TEKT5: variants seen among roughly 807,000 people sequenced by gnomAD.
TEKT5 encodes tektin-5.
A neutral mutation model predicts 48.7 loss-of-function variants in TEKT5; 52 were observed. The ratio of observed to expected loss-of-function variants is 1.07; its 90% CI spans 0.86 to 1.35. The LOEUF (loss-of-function observed/expected upper bound fraction) is 1.35. Among genes scored for constraint, TEKT5 ranks in the 40% most tolerant of loss-of-function variants. TEKT5 has a pLI of 0.00. For missense variants in TEKT5, 831 were observed against 641.6 expected, an observed-to-expected ratio of 1.30 and a Z score of -3.19; for synonymous variants, 318 against 267.6, an observed-to-expected ratio of 1.19 and a Z score of -1.84.
chr16:10,669,119 T>G (rs1466790748), intron 5 of TEKT5, among the ~76,000 whole-genome samples: 1 of 152,136 alleles, frequency 6.6e-6, no homozygotes, highest in Non-Finnish European at 1.5e-5. Flanking sequence ...TGTACATGAG[T>G]GTTCACAGCA....
At chr16:10,651,935 C>T (rs1303893922) in intron 5 of TEKT5, among the ~76,000 whole-genome samples, 1 of 152,108 alleles carries the variant, frequency 6.6e-6, no homozygotes, top group African/African-American at 2.4e-5. Flanking sequence ...GCACTCCAGC[C>T]TGGGCAACAG....
At chr16:10,651,718 G>C (rs868280990) in intron 5 of TEKT5, among the ~76,000 whole-genome samples, 2 of 152,178 alleles carry the variant, frequency 1.3e-5, no homozygotes, top group Non-Finnish European at 2.9e-5. Context: ...CCAGCACTTT[G>C]GGAGGCCGAG....
chr16:10,669,096 G>A (rs1352168181), intron 5 of TEKT5, among the ~76,000 whole-genome samples: 1 of 152,158 alleles, frequency 6.6e-6, no homozygotes, highest in East Asian at 1.9e-4. Context: ...CTGTGAGAGT[G>A]CATACAAATA....
intron 5 of TEKT5, among the ~76,000 whole-genome samples, chr16:10,652,178 C>G (rs964247693): frequency 7.9e-5 from 12 of 152,080 alleles, no homozygotes; most frequent in Admixed American, 3.9e-4. Flanking sequence ...GGAGACAGAA[C>G]TCTCGAAAAC....
In TEKT5 at chr16:10,675,115, T is replaced by G. The variant is rs138107134; in HGVS notation, c.1086+844A>C. 3.9e-4 allele frequency among the ~76,000 whole-genome samples: 60 copies of G among 152,286 alleles called. 2 individuals carry two copies. The East Asian group carries it at 6.2e-3, about 16-fold the overall frequency. ...TGCTGGGATTACAGGTGTGAGCCAC[T>G]GTGCTTGGCCTTAAAAAGGGGTACT... On this transcript the variant is annotated intron_variant, in intron 5 of 6. Coordinates refer to ENST00000283025, the MANE Select transcript of TEKT5 (RefSeq NM_144674.2).
intron 5 of TEKT5, among the ~76,000 whole-genome samples, chr16:10,657,817 T>G (rs58266191): frequency 0.091 from 13,660 of 150,850 alleles, 1,089 homozygotes; most frequent in East Asian, 0.21. Flanking sequence ...AGCCAGGATG[T>G]TCTCGATCTC....
Position 10,681,869 on chromosome 16 carries a change from C to T in TEKT5, c.863+124G>A, listed in dbSNP as rs2719722. ...TCTGCCGCCTGCGCTAGAGGATCCC[C>T]GTTCAACCATGCCACTTCCCACTTA... On this transcript the variant is annotated intron_variant, in intron 4 of 6. Transcript: ENST00000283025. 415 of 1,308,678 alleles carry T rather than the reference C, an allele frequency of 3.2e-4. No individual in the cohort carries two copies. The African/African-American group carries it at 5.2e-3, about 16-fold the overall frequency. 81.1% of individuals were successfully genotyped at this position (1,308,678 alleles called of 1,614,324 possible).
At chr16:10,629,814 C>T (rs1460283623) in intron 6 of TEKT5, among the ~76,000 whole-genome samples, 1 of 152,248 alleles carries the variant, frequency 6.6e-6, no homozygotes, top group Non-Finnish European at 1.5e-5. Context: ...GCAGACATCT[C>T]TGTGATGCAC....
chr16:10,668,635 C>G (rs1017617948), intron 5 of TEKT5, among the ~76,000 whole-genome samples: 4 of 152,176 alleles, frequency 2.6e-5, no homozygotes, highest in Non-Finnish European at 5.9e-5. Context: ...CTGCCCAGGC[C>G]TTCCTGGGAA....
At chr16:10,656,131 T>C (rs1898257675) in intron 5 of TEKT5, among the ~76,000 whole-genome samples, 1 of 152,216 alleles carries the variant, frequency 6.6e-6, no homozygotes, top group Admixed American at 6.5e-5. Context: ...CCCTGGTCTC[T>C]ACCCACTAGA....
At chr16:10,666,167 A>C (rs1898453910) in intron 5 of TEKT5, among the ~76,000 whole-genome samples, 1 of 152,170 alleles carries the variant, frequency 6.6e-6, no homozygotes, top group Non-Finnish European at 1.5e-5. Context: ...AGCCACGGGG[A>C]GTAGGCACAG....
intron 3 of TEKT5, 37 bp from the exon 4 acceptor site, chr16:10,682,173 C>G: frequency 6.2e-7 from 1 of 1,605,664 alleles, no homozygotes; most frequent in Non-Finnish European, 8.5e-7. Flanking sequence ...GACTATGCAC[C>G]TGCACAGAGT....
chr16:10,636,239 G>A (rs893693388), intron 5 of TEKT5, among the ~76,000 whole-genome samples: 2 of 152,144 alleles, frequency 1.3e-5, no homozygotes, highest in Non-Finnish European at 2.9e-5. Flanking sequence ...GCCGGGCGTG[G>A]TGGCAGGCGC....
chr16:10,654,594 C>T (rs1361718222), intron 5 of TEKT5, among the ~76,000 whole-genome samples: 1 of 152,208 alleles, frequency 6.6e-6, no homozygotes, highest in African/African-American at 2.4e-5. Context: ...TTCGCTCTCT[C>T]TGCTTTAGCT....
intron 6 of TEKT5, among the ~76,000 whole-genome samples, chr16:10,630,639 A>G (rs1246423185): frequency 1.3e-5 from 2 of 152,172 alleles, no homozygotes; most frequent in East Asian, 1.9e-4. Context: ...ACCATCAAAT[A>G]TGGTACCCAC....
intron 5 of TEKT5, among the ~76,000 whole-genome samples, chr16:10,650,749 G>A (rs1898142772): frequency 2.0e-5 from 3 of 152,092 alleles, no homozygotes; most frequent in Non-Finnish European, 4.4e-5. Context: ...GCCAGGCGTG[G>A]TGGTGTGTGC....
chr16:10,658,880 G>T (rs1233471364), intron 5 of TEKT5, among the ~76,000 whole-genome samples: 1 of 152,068 alleles, frequency 6.6e-6, no homozygotes. Context: ...ACCACACCCG[G>T]TTAATTTTTG....
intron 5 of TEKT5, among the ~76,000 whole-genome samples, chr16:10,653,585 C>G (rs1158549731): frequency 6.6e-6 from 1 of 152,200 alleles, no homozygotes; most frequent in Non-Finnish European, 1.5e-5. Flanking sequence ...CTGTGTAGGA[C>G]ACTTGTTCTT....
Position 10,672,932 on chromosome 16 carries a change from C to T in TEKT5, c.1086+3027G>A, listed in dbSNP as rs957277583. 2.0e-5 allele frequency among the ~76,000 whole-genome samples: 3 copies of T among 151,586 alleles called. No homozygotes were observed. In the East Asian group the frequency reaches 5.8e-4, roughly 29 times the overall value. Reference sequence around the variant, plus strand: ...AGTGCAGTGGTGCAATCACAGCTCACTGCAGCCTCCACCTCCCAGGCTCAA... The same window carrying T: ...AGTGCAGTGGTGCAATCACAGCTCATTGCAGCCTCCACCTCCCAGGCTCAA... On this transcript the variant is annotated intron_variant, in intron 5 of 6. Transcript: ENST00000283025.
Sources: allele counts gnomAD v4.1 joint callset (sites outside exome capture counted in the v4.1 genomes callset), GRCh38; gene constraint gnomAD v4.1.1; transcripts MANE v1.5; gene names NCBI Gene and HGNC (gene_info 2026-07-23, HGNC 2026-07-21).